The following PKHD1 variants were observed in gnomAD, a reference collection of about 807,000 sequenced individuals.
PKHD1 encodes PKHD1 ciliary IPT domain containing fibrocystin/polyductin, also known as fibrocystin.
In PKHD1, 291 loss-of-function variants were observed where a neutral mutation model predicts 412.0. The observed-to-expected ratio is 0.71, with a 90% CI of 0.64 to 0.78. PKHD1 has a LOEUF of 0.78. Among genes scored for constraint, PKHD1 ranks in the 30% least tolerant of loss-of-function variants. PKHD1 has a pLI of 0.00. For missense variants in PKHD1, 4,825 were observed against 4,950.7 expected, an observed-to-expected ratio of 0.97 and a Z score of 0.76; for synonymous variants, 1,777 against 1,821.5, an observed-to-expected ratio of 0.98 and a Z score of 0.62.
chr6:52,001,757 A>G (rs926098065), intron 35 of PKHD1, among the ~76,000 whole-genome samples: 3 of 152,110 alleles, frequency 2.0e-5, no homozygotes, highest in African/African-American at 7.2e-5. Flanking sequence ...AAAGAAAAAA[A>G]CAGCAAGAAA....
intron 52 of PKHD1, among the ~76,000 whole-genome samples, chr6:51,811,586 T>A (rs1764688350): frequency 6.6e-6 from 1 of 152,128 alleles, no homozygotes; most frequent in African/African-American, 2.4e-5. Context: ...AACTATTGGG[T>A]CCAAATATTG....
intron 56 of PKHD1, among the ~76,000 whole-genome samples, chr6:51,754,447 G>T (rs1786627070): frequency 6.6e-6 from 1 of 152,152 alleles, no homozygotes; most frequent in African/African-American, 2.4e-5. Context: ...GAAACTCAGT[G>T]CCCATAAGTT....
intron 60 of PKHD1, among the ~76,000 whole-genome samples, chr6:51,706,784 C>A (rs1780069726): frequency 1.3e-5 from 2 of 152,104 alleles, no homozygotes; most frequent in South Asian, 4.1e-4. Context: ...CTCTGGAAAG[C>A]CGACGAAGTA....
chr6:52,029,523 A>G (rs2128156220), intron 29 of PKHD1, among the ~76,000 whole-genome samples: 1 of 152,364 alleles, frequency 6.6e-6, no homozygotes, highest in Admixed American at 6.5e-5. Flanking sequence ...TGCTCAAATC[A>G]GAGCAACATT....
At chr6:51,754,723 G>T in intron 56 of PKHD1, 61 bp downstream of exon 56, 1 of 1,461,824 alleles carries the variant, frequency 6.8e-7, no homozygotes, top group Non-Finnish European at 9.6e-7. Context: ...CCCCAGCTAG[G>T]TTACCAAACA....
intron 52 of PKHD1, among the ~76,000 whole-genome samples, chr6:51,805,952 T>C (rs1763696550): frequency 6.6e-6 from 1 of 152,026 alleles, no homozygotes; most frequent in South Asian, 2.1e-4. Flanking sequence ...TAAACATACG[T>C]GTGCATGTGT....
At chr6:52,071,368 T>C (rs1446548311) in intron 8 of PKHD1, among the ~76,000 whole-genome samples, 1 of 151,978 alleles carries the variant, frequency 6.6e-6, no homozygotes, top group Non-Finnish European at 1.5e-5. Context: ...ACAAAACCTT[T>C]ATTTTTAAAA....
At chr6:51,846,048 G>A (rs960290801) in intron 50 of PKHD1, among the ~76,000 whole-genome samples, 3 of 152,118 alleles carry the variant, frequency 2.0e-5, no homozygotes, top group Non-Finnish European at 2.9e-5. Context: ...GGCTGTATTC[G>A]GCTGAAGTGG....
chr6:51,977,618 C>A (rs1794630493), intron 35 of PKHD1, among the ~76,000 whole-genome samples: 1 of 152,222 alleles, frequency 6.6e-6, no homozygotes. Context: ...GTAGTCCTTA[C>A]CCCACACTGC....
intron 52 of PKHD1, among the ~76,000 whole-genome samples, chr6:51,813,805 T>TA (rs56049670): frequency 0.098 from 14,954 of 152,200 alleles, 820 homozygotes; most frequent in East Asian, 0.14. Context: ...AGGCTTGTAC[T>TA]AAGCATGGGG....
chr6:51,659,893 C>G lies in PKHD1; in HGVS notation c.10233G>C (p.Val3411=), dbSNP rs1162292670. The G allele has an allele frequency of 2.5e-6, 4 of 1,612,708 alleles. No homozygotes were observed. Among genetic ancestry groups the G allele is most frequent in the African/African-American group, 2.7e-5 (2 of 74,856 alleles). Residue 3411 remains valine, a synonymous_variant, in exon 61 of 67, where the codon GTG becomes GTC. Transcript: ENST00000371117. ...CATCAGCGCTATCAAGAATTAGGACCACTTGGTCAGTCTGTTTGCAGATGA... is the reference window on the plus strand; with the variant it reads ...CATCAGCGCTATCAAGAATTAGGACGACTTGGTCAGTCTGTTTGCAGATGA... The part of the protein sequence containing the change: ...QGFICKQTDQ[V]VLILDSADAI...
intron 52 of PKHD1, among the ~76,000 whole-genome samples, chr6:51,800,198 C>A (rs1473927395): frequency 6.6e-6 from 1 of 152,196 alleles, no homozygotes; most frequent in East Asian, 1.9e-4. Context: ...ACTTGTTCAT[C>A]CATCAAGCAC....
chr6:51,861,037 T>C (rs982342275), intron 48 of PKHD1, among the ~76,000 whole-genome samples: 2 of 152,156 alleles, frequency 1.3e-5, no homozygotes, highest in African/African-American at 4.8e-5. Context: ...GGTCTCGAAC[T>C]CCTGACCTCA....
In PKHD1 at chr6:52,048,623, T is replaced by A. The variant is rs549804372; in HGVS notation, c.2280-4A>T. The A allele has an allele frequency of 2.5e-5, 41 of 1,614,110 alleles. No homozygotes were observed. The East Asian group carries it at 2.7e-4, about 11-fold the overall frequency. ...TGTTCCTTCAGTGGGCACAGAGCTG[T>A]GGCACGTCAGAAACAAAGTATTAAC... is the stretch of plus-strand genomic sequence containing the variant. On this transcript the variant is annotated splice_region_variant and splice_polypyrimidine_tract_variant and intron_variant, in intron 22 of 66. Coordinates refer to ENST00000371117, the MANE Select transcript of PKHD1 (RefSeq NM_138694.4).
intron 60 of PKHD1, among the ~76,000 whole-genome samples, chr6:51,737,881 T>TA (rs985715371): frequency 1.8e-4 from 27 of 152,254 alleles, no homozygotes; most frequent in African/African-American, 4.6e-4. Context: ...GACCACATCA[T>TA]AAAAAAATAT....
chr6:51,816,580 T>C (rs938522289), intron 52 of PKHD1, among the ~76,000 whole-genome samples: 34 of 152,364 alleles, frequency 2.2e-4, no homozygotes, highest in African/African-American at 7.5e-4. Flanking sequence ...TCTCTGCATA[T>C]AGTTAATTGT....
chr6:52,038,947 C>T (rs557662648), intron 27 of PKHD1, among the ~76,000 whole-genome samples: 1 of 152,110 alleles, frequency 6.6e-6, no homozygotes, highest in Non-Finnish European at 1.5e-5. Flanking sequence ...AGTGAAAAGG[C>T]AACTCACACA....
chr6:52,019,311 G>T (rs190268262), intron 33 of PKHD1, among the ~76,000 whole-genome samples: 19 of 152,292 alleles, frequency 1.2e-4, no homozygotes, highest in African/African-American at 4.6e-4. Flanking sequence ...ATAAGTACGT[G>T]GGGGAGGGTT....
At chr6:51,999,566 C>T (rs997276501) in intron 35 of PKHD1, among the ~76,000 whole-genome samples, 2 of 152,120 alleles carry the variant, frequency 1.3e-5, no homozygotes, top group Admixed American at 6.6e-5. Flanking sequence ...AAAGTAAGAG[C>T]AGACTTCAGT....
Sources: gnomAD v4.1 joint callset for allele counts (sites outside exome capture counted in the v4.1 genomes callset) on GRCh38, gnomAD v4.1.1 for gene constraint, MANE v1.5 for transcripts, NCBI Gene and HGNC (gene_info 2026-07-23, HGNC 2026-07-21) for gene names.